The following MCF2L variants were observed in gnomAD, a reference collection of about 807,000 sequenced individuals.
MCF2L encodes guanine nucleotide exchange factor DBS.
A neutral mutation model predicts 153.4 loss-of-function variants in MCF2L; 97 were observed. That is an observed-to-expected ratio of 0.63 (90% CI 0.54 to 0.75). MCF2L has a LOEUF of 0.75. Among genes scored for constraint, MCF2L ranks in the 30% least tolerant of loss-of-function variants. MCF2L has a pLI of 0.00. For synonymous variants in MCF2L, 659 were observed against 632.2 expected (o/e 1.04, Z -0.64); for missense variants, 1,347 against 1,495.2 (o/e 0.90, Z 1.64).
intron 3 of MCF2L, among the ~76,000 whole-genome samples, chr13:113,033,279 CCCCTGTGACATTAGTGGA>C (rs1351326775): frequency 7.0e-4 from 90 of 128,168 alleles, no homozygotes; most frequent in East Asian, 2.0e-3. Flanking sequence ...GCGTGAGTGG[CCCCTGTGACATTAGTGGA>C]CCCCGTGGCG....
At chr13:113,001,942 G>A (rs371859435) in intron 1 of MCF2L, 30 of 1,595,172 alleles carry the variant, frequency 1.9e-5, no homozygotes, top group African/African-American at 2.7e-5. Context: ...CTGCTGTGCC[G>A]GGACCTCTGG....
At chr13:112,899,151 C>A (rs1178167063) in intron 1 of MCF2L, among the ~76,000 whole-genome samples, 1 of 152,274 alleles carries the variant, frequency 6.6e-6, no homozygotes, top group Non-Finnish European at 1.5e-5. Context: ...GCCGTGCTGA[C>A]TTGGTGCTTC....
rs574751864 is a variant in MCF2L, at chr13:113,016,845, G to A, written c.163+1999G>A. On this transcript the variant is annotated intron_variant, in intron 2 of 29. Coordinates refer to ENST00000535094, the MANE Select transcript of MCF2L (RefSeq NM_001112732.3). ...GCCTGCGCTCTGCTCCGCCCCCTTCGTTACACCACCTCACGTCCTCCCGTG... is the reference window on the plus strand; with the variant it reads ...GCCTGCGCTCTGCTCCGCCCCCTTCATTACACCACCTCACGTCCTCCCGTG... 7.2e-5 allele frequency among the ~76,000 whole-genome samples: 11 copies of A among 152,214 alleles called. No individual in the cohort carries two copies. The South Asian group carries it at 2.3e-3, about 32-fold the overall frequency.
chr13:112,914,964 A>G lies in MCF2L; in HGVS notation c.169+12593A>G, dbSNP rs527243376. Among the ~76,000 whole-genome samples, 4 of 151,766 alleles carry G rather than the reference A, an allele frequency of 2.6e-5. No individual in the cohort carries two copies. In the East Asian group the frequency reaches 5.8e-4, roughly 22 times the overall value. On this transcript the variant is annotated intron_variant, in intron 2 of 29. Coordinates refer to the MCF2L transcript ENST00000375608. ...GAGTCGTAGTTGAAAAGGTCTTCCT[A>G]TTCTGAGGTTATACAGGAATTCACC...
chr13:113,015,146 G>A (rs1184863507), intron 2 of MCF2L, among the ~76,000 whole-genome samples: 2 of 152,194 alleles, frequency 1.3e-5, no homozygotes, highest in Non-Finnish European at 1.5e-5. Context: ...AGTGGTGTGT[G>A]GGTGGCCGAG....
At chr13:113,001,637 G>A (rs995901184) in intron 1 of MCF2L, 64 of 1,269,518 alleles carry the variant, frequency 5.0e-5, no homozygotes, top group Non-Finnish European at 6.2e-5. Context: ...CTCCCTGGCC[G>A]GGGCTCAGCT....
chr13:112,896,667 T>C (rs767279360), intron 1 of MCF2L, among the ~76,000 whole-genome samples: 2 of 152,128 alleles, frequency 1.3e-5, no homozygotes, highest in African/African-American at 2.4e-5. Flanking sequence ...ACCAGAAGGA[T>C]GGAGTTGTAA....
rs756520977 is a variant in MCF2L at position 113,078,676 on chromosome 13, G to C, written c.1745G>C (p.Ser582Thr). ...GPYRRAKSEM[S>T]ESRQGRGSAG... ...TGTTTTTCTCCCCAGAGTGAGATGAGTGAGAGCCGGCAGGGCCGCGGCTCA... is the reference window on the plus strand; with the variant it reads ...TGTTTTTCTCCCCAGAGTGAGATGACTGAGAGCCGGCAGGGCCGCGGCTCA... Residue 582 changes from serine to threonine, a missense_variant, in exon 15 of 30, where the codon AGT becomes ACT. Transcript: ENST00000535094. 6.2e-7 allele frequency: 1 copy of C among 1,612,150 alleles called. No individual in the cohort carries two copies. The highest frequency in any genetic ancestry group is 8.5e-7 in the Non-Finnish European group (1 of 1,179,744).
chr13:112,928,339 CT>C (rs1321459330), intron 2 of MCF2L, among the ~76,000 whole-genome samples: 15 of 152,344 alleles, frequency 9.8e-5, no homozygotes, highest in Non-Finnish European at 2.1e-4. Context: ...AGACACTGCC[CT>C]ACCTGCTTGA....
In MCF2L at chr13:113,082,417, C is replaced by T. The variant is rs2034232522; in HGVS notation, c.1876-10C>T. On this transcript the variant is annotated splice_polypyrimidine_tract_variant and intron_variant, in intron 16 of 29. Coordinates refer to ENST00000535094, the MANE Select transcript of MCF2L (RefSeq NM_001112732.3). ...CAGGACCCCCGCCGACCTCTGCGCTCTCCCTGCAGGGCTACGCCGCGGAGA... is the reference window on the plus strand; with the variant it reads ...CAGGACCCCCGCCGACCTCTGCGCTTTCCCTGCAGGGCTACGCCGCGGAGA... The T allele has an allele frequency of 6.3e-7, 1 of 1,593,522 alleles. No homozygotes were observed. The highest frequency in any genetic ancestry group is 8.6e-7 in the Non-Finnish European group (1 of 1,161,554).
chr13:113,045,364 A>T lies in MCF2L; in HGVS notation c.369+3A>T. The T allele has an allele frequency of 6.2e-7, 1 of 1,613,276 alleles. No homozygotes were observed. The highest frequency in any genetic ancestry group is 8.5e-7 in the Non-Finnish European group (1 of 1,179,468). On this transcript the variant is annotated splice_donor_region_variant and intron_variant, in intron 4 of 29. Transcript: ENST00000535094. The surrounding 1 kb of genome is among the most constrained non-coding windows in gnomAD (Gnocchi z 4.2). ...AGGCGTCCGTCCTGCGCATCGCAGT[A>T]AGTGCCACCCGGGGCTCTGCCCTGC...
chr13:112,948,045 G>A (rs2081655513), intron 2 of MCF2L, among the ~76,000 whole-genome samples: 2 of 152,244 alleles, frequency 1.3e-5, no homozygotes, highest in Non-Finnish European at 2.9e-5. Context: ...TGACCAAGGA[G>A]TGCTGTGCCA....
chr13:113,004,502 T>G lies in MCF2L; in HGVS notation c.80-10261T>G, dbSNP rs2083564610. Among the ~76,000 whole-genome samples the G allele has an allele frequency of 2.0e-5, 3 of 152,162 alleles. No individual in the cohort carries two copies. The South Asian group carries it at 6.2e-4, about 32-fold the overall frequency. On this transcript the variant is annotated intron_variant, in intron 1 of 29. Transcript: ENST00000535094. ...TCCCTGTAGCCTCCATAACATAACC[T>G]GGGAGCAGGAAGATCCCCCTGGGTC...
At chr13:113,090,593 G>A in intron 26 of MCF2L, 4 of 985,436 alleles carry the variant, frequency 4.1e-6, no homozygotes, top group South Asian at 4.7e-5. Flanking sequence ...CCCTTGAGAC[G>A]GAGACGTCTA....
intron 2 of MCF2L, among the ~76,000 whole-genome samples, chr13:112,936,610 A>T (rs2993339): frequency 6.6e-6 from 1 of 152,096 alleles, no homozygotes; most frequent in Non-Finnish European, 1.5e-5. Flanking sequence ...TTATTTACCT[A>T]GAACTGCTGG....
At position 113,078,989 on chromosome 13, in the gene MCF2L, G is replaced by A. The variant is rs571648223; in HGVS notation, c.1808+250G>A. Reference sequence around the variant, plus strand: ...CGGGATTCAGGAGGGAAGAGAGGGCGATGGCTGAATGCAACAGTGAAGGGG... The same window carrying A: ...CGGGATTCAGGAGGGAAGAGAGGGCAATGGCTGAATGCAACAGTGAAGGGG... On this transcript the variant is annotated intron_variant, in intron 15 of 29. Transcript: ENST00000535094. Among the ~76,000 whole-genome samples the A allele has an allele frequency of 7.9e-5, 12 of 152,360 alleles. No homozygotes were observed. The South Asian group carries it at 1.9e-3, about 24-fold the overall frequency.
intron 4 of MCF2L, among the ~76,000 whole-genome samples, chr13:113,058,021 CTGAA>C (rs1210899025): frequency 1.5e-5 from 2 of 135,802 alleles, no homozygotes; most frequent in East Asian, 4.7e-4. Flanking sequence ...TGTTTGGACA[CTGAA>C]TGGGTGCTGA....
chr13:113,081,396 AGAGC>A, intron 16 of MCF2L, 117 bp downstream of exon 16: 1 of 1,040,126 alleles, frequency 9.6e-7, no homozygotes, highest in Non-Finnish European at 1.4e-6. Context: ...TGCATGTGAG[AGAGC>A]GCCCACAGCA....
chr13:113,051,947 A>T (rs1010114021), intron 4 of MCF2L, among the ~76,000 whole-genome samples: 6 of 152,102 alleles, frequency 3.9e-5, no homozygotes, highest in Non-Finnish European at 5.9e-5. Context: ...TGACCCAGTC[A>T]CCTCTGAAAG....
Sources: allele counts gnomAD v4.1 joint callset (sites outside exome capture counted in the v4.1 genomes callset), GRCh38; gene constraint gnomAD v4.1.1; non-coding constraint Gnocchi (gnomAD v3.1); transcripts MANE v1.5; gene names NCBI Gene and HGNC (gene_info 2026-07-23, HGNC 2026-07-21).